Variants in SAMD9 observed in about 807,000 individuals in gnomAD.
SAMD9 encodes sterile alpha motif domain containing 9.
SAMD9 carries 3 observed loss-of-function variants against 1.5 expected under a neutral mutation model. The ratio of observed to expected loss-of-function variants is 2.05; its 90% CI spans 0.93 to 5.29. SAMD9 has a LOEUF of 5.29. Ranked by LOEUF, SAMD9 falls within the 30% of genes most tolerant of loss-of-function variation. The pLI, the probability that SAMD9 is intolerant of heterozygous loss-of-function variation, is 0.02. For missense variants in SAMD9, 1,597 were observed against 1,820.8 expected, an observed-to-expected ratio of 0.88 and a Z score of 2.24; for synonymous variants, 635 against 631.9, an observed-to-expected ratio of 1.00 and a Z score of -0.07.
Position 93,105,308 on chromosome 7 carries a change from A to C in SAMD9, c.790T>G (p.Phe264Val). The change falls in exon 3 of 3, where the codon TTC (phenylalanine) becomes GTC (valine). Residue 264 changes from phenylalanine to valine, a missense_variant. By Grantham distance (50) the Phe-to-Val change is conservative. Transcript: ENST00000379958. ...NDTKEALINH[F>V]NLMINKYFED... ...AAATACTTGTTTATCATCAGATTGA[A>C]ATGGTTAATGAGGGCTTCCTTGGTA... 3 of 1,613,944 alleles carry C rather than the reference A, an allele frequency of 1.9e-6. No individual in the cohort carries two copies. Among genetic ancestry groups the C allele is most frequent in the South Asian group, 2.2e-5 (2 of 91,080 alleles).
intron 2 of SAMD9, among the ~76,000 whole-genome samples, chr7:93,110,257 C>T (rs2188180): frequency 0.47 from 71,694 of 152,018 alleles, 20,935 homozygotes; most frequent in African/African-American, 0.82. Context: ...AAGCAAATGC[C>T]GAGAAATTTT....
At chr7:93,109,423 C>T (rs1352710731) in intron 2 of SAMD9, among the ~76,000 whole-genome samples, 1 of 152,178 alleles carries the variant, frequency 6.6e-6, no homozygotes, top group South Asian at 2.1e-4. Flanking sequence ...CAACTCCTCG[C>T]CAGCAACGGA....
chr7:93,109,784 C>G (rs1252757164), intron 2 of SAMD9, among the ~76,000 whole-genome samples: 1 of 152,108 alleles, frequency 6.6e-6, no homozygotes, highest in African/African-American at 2.4e-5. Context: ...ACAAACAAAG[C>G]CTCCAAGAAA....
chr7:93,110,776 C>A (rs536634549), intron 2 of SAMD9, among the ~76,000 whole-genome samples: 1 of 152,198 alleles, frequency 6.6e-6, no homozygotes, highest in East Asian at 1.9e-4. Context: ...TATATATGCA[C>A]CCAATACAGG....
Position 93,102,405 on chromosome 7 carries a change from A to G in SAMD9, c.3693T>C (p.Phe1231=), listed in dbSNP as rs773995547. Residue 1231 remains phenylalanine (F), a synonymous_variant, in exon 3 of 3, where the codon TTT becomes TTC. Coordinates refer to ENST00000379958, the MANE Select transcript of SAMD9 (RefSeq NM_017654.4). The part of the protein sequence containing the change: ...NELSKRYMVN[F]VSGSSDIPGD... ...CTGGAATATCACTACTTCCTGATAC[A>G]AAATTGACCATATATCTTTTAGATA... 3 of 1,611,894 alleles carry G rather than the reference A, an allele frequency of 1.9e-6. No homozygotes were observed. Among genetic ancestry groups the G allele is most frequent in the Non-Finnish European group, 2.5e-6 (3 of 1,178,278 alleles).
At chr7:93,114,103 G>A (rs1791793227) in intron 2 of SAMD9, among the ~76,000 whole-genome samples, 1 of 152,080 alleles carries the variant, frequency 6.6e-6, no homozygotes, top group African/African-American at 2.4e-5. Context: ...TATACACCAT[G>A]GAATACTATG....
chr7:93,110,872 C>A (rs1160218493), intron 2 of SAMD9, among the ~76,000 whole-genome samples: 1 of 152,138 alleles, frequency 6.6e-6, no homozygotes, highest in African/African-American at 2.4e-5. Flanking sequence ...CTTTAACACC[C>A]CACTGTCAAC....
chr7:93,112,562 G>A (rs561173138), intron 2 of SAMD9, among the ~76,000 whole-genome samples: 10 of 152,280 alleles, frequency 6.6e-5, no homozygotes, highest in South Asian at 2.1e-4. Context: ...AAACCCCATC[G>A]TCTCAGCCCA....
chr7:93,102,717 G>T lies in SAMD9; in HGVS notation c.3381C>A (p.Tyr1127Ter), dbSNP rs572380130. Residue 1127 changes from tyrosine to a stop codon, truncating the protein, a stop_gained, in exon 3 of 3, where the codon TAC (tyrosine) becomes TAA (stop). Transcript: ENST00000379958. LOFTEE classifies it low-confidence loss of function (END_TRUNC). ...SYISDTLGQV[Y>*]KSKIRWWIEE... ...CTATCCACCATCTTATTTTACTTTT[G>T]TAGACTTGACCCAGTGTATCTGAGA... is the stretch of plus-strand genomic sequence containing the variant. The T allele has an allele frequency of 2.5e-5, 41 of 1,613,742 alleles. No homozygotes were observed. The highest frequency in any genetic ancestry group is 9.9e-5 in the South Asian group (9 of 91,074).
In SAMD9 at chr7:93,102,787, T is replaced by C; in HGVS notation, c.3311A>G (p.Asn1104Ser). 6.2e-7 allele frequency: 1 copy of C among 1,613,892 alleles called. No individual in the cohort carries two copies. Among genetic ancestry groups the C allele is most frequent in the South Asian group, 1.1e-5 (1 of 91,082 alleles). ...TATGATTTTTGCTTGTTTTGCCCAG[T>C]TTAGAGCATTGCCAAAGTCCTTCTT... ...IKKKDFGNAL[N>S]WAKQAKIIEP... is the part of the protein sequence containing the mutation. Residue 1104 changes from asparagine to serine, a missense_variant, in exon 3 of 3, where the codon AAC becomes AGC. Physicochemically the swap from Asn to Ser is conservative, Grantham distance 46. Transcript: ENST00000379958.
chr7:93,100,495 G>A lies in SAMD9; in HGVS notation c.*833C>T, dbSNP rs1791508997. ...TGCCCATATCCATAATTTTATTAGG[G>A]GAAAATTACATTTTGATTACGTATC... is the stretch of plus-strand genomic sequence containing the variant. On this transcript the variant is annotated 3_prime_UTR_variant, in exon 3 of 3. Coordinates refer to ENST00000379958, the MANE Select transcript of SAMD9 (RefSeq NM_017654.4). 1.3e-5 allele frequency: 2 copies of A among 151,954 alleles called. No individual in the cohort carries two copies. The highest frequency in any genetic ancestry group is 1.5e-5 in the Non-Finnish European group (1 of 67,980). The allele number at this position is 151,954 out of a possible 1,614,324, so 9.4% of individuals were successfully genotyped here. A position where few individuals can be genotyped will look rare whatever the true frequency, so the allele number is the denominator to read the frequency against.
rs1269283852 is a variant in SAMD9 at position 93,105,227 on chromosome 7, C to G, written c.871G>C (p.Glu291Gln). The G allele has an allele frequency of 5.6e-6, 9 of 1,613,778 alleles. No homozygotes were observed. The highest frequency in any genetic ancestry group is 7.6e-6 in the Non-Finnish European group (9 of 1,179,984). The change falls in exon 3 of 3, where the codon GAA (glutamate) becomes CAA (glutamine). Residue 291 changes from glutamate (E) to glutamine (Q), a missense_variant. This residue lies in a region of SAMD9 where 498 missense variants were observed against 457.4 expected (regional missense o/e 1.09). Coordinates refer to ENST00000379958, the MANE Select transcript of SAMD9 (RefSeq NM_017654.4). ...KKCIREPRFV[E>Q]VLLPNSTLSD... ...AGAGTACTATTTGGCAGTAAAACTTCCACAAATCTTGGCTCTCGAATGCAC... is the reference window on the plus strand; with the variant it reads ...AGAGTACTATTTGGCAGTAAAACTTGCACAAATCTTGGCTCTCGAATGCAC...
chr7:93,108,463 G>C (rs888950282), intron 2 of SAMD9, among the ~76,000 whole-genome samples: 1 of 152,194 alleles, frequency 6.6e-6, no homozygotes, highest in Non-Finnish European at 1.5e-5. Context: ...GTTGGACAGT[G>C]GGTGCAGTCC....
Position 93,100,410 on chromosome 7 carries a change from T to C in SAMD9, c.*918A>G, listed in dbSNP as rs905121205. 4 of 152,204 alleles carry C rather than the reference T, an allele frequency of 2.6e-5. No individual in the cohort carries two copies. The highest frequency in any genetic ancestry group is 9.6e-5 in the African/African-American group (4 of 41,466). 9.4% of individuals were successfully genotyped at this position (152,204 alleles called of 1,614,324 possible). ...GATTTGGGACAGTTTGATAAATCCA[T>C]TAGAAATTTTTGTTTTTTAATCAGC... On this transcript the variant is annotated 3_prime_UTR_variant, in exon 3 of 3. Transcript: ENST00000379958.
Position 93,105,085 on chromosome 7 carries a change from T to G in SAMD9, c.1013A>C (p.Lys338Thr), listed in dbSNP as rs770823880. ...CCCATCTCGCACAAATAGTGAGAAT[T>G]TTTTACTTTGTTCCCATATTTTGTT... The part of the protein sequence containing the change: ...YNNKIWEQSK[K>T]FSLFVRDGTS... The change falls in exon 3 of 3, where the codon AAA (lysine) becomes ACA (threonine). Residue 338 changes from lysine to threonine, a missense_variant. Around this residue, in one of 6 missense-constraint regions of SAMD9, gnomAD observed 498 missense variants for 457.4 expected, o/e 1.09. Coordinates refer to ENST00000379958, the MANE Select transcript of SAMD9 (RefSeq NM_017654.4). The G allele has an allele frequency of 2.5e-6, 4 of 1,613,962 alleles. No homozygotes were observed. Among genetic ancestry groups the G allele is most frequent in the Non-Finnish European group, 3.4e-6 (4 of 1,179,954 alleles).
chr7:93,106,055 T>A lies in SAMD9; in HGVS notation c.43A>T (p.Thr15Ser), dbSNP rs765663084. 4 of 1,592,944 alleles carry A rather than the reference T, an allele frequency of 2.5e-6. No homozygotes were observed. In the Admixed American group the frequency reaches 7.4e-5, roughly 29 times the overall value. The change falls in exon 3 of 3, where the codon ACA (threonine) becomes TCA (serine). Residue 15 changes from threonine (T) to serine (S), a missense_variant. Transcript: ENST00000379958. ...LNLPENTDDW[T>S]KEDVNQWLES... ...AACCACTGATTTACATCCTCTTTTG[T>A]CCAATCATCTGTATTTTCTGGAAGG...
chr7:93,107,309 A>G (rs1352420684), intron 2 of SAMD9, among the ~76,000 whole-genome samples: 1 of 152,198 alleles, frequency 6.6e-6, no homozygotes, highest in Admixed American at 6.5e-5. Context: ...CTTGCTGAGT[A>G]GTGAACTTGT....
Position 93,102,461 on chromosome 7 carries a change from G to A in SAMD9, c.3637C>T (p.Leu1213Phe). The change falls in exon 3 of 3, where the codon CTC (leucine) becomes TTC (phenylalanine). Residue 1213 changes from leucine (L) to phenylalanine (F), a missense_variant. Leu to Phe is a conservative substitution (Grantham distance 22). Coordinates refer to ENST00000379958, the MANE Select transcript of SAMD9 (RefSeq NM_017654.4). ...TTTTTATTATCAAAAAAAGGAATGA[G>A]CTGGAGAATTTGGATTGTGTAAAGC... ...VGLYTIQILQ[L>F]IPFFDNKNEL... The A allele has an allele frequency of 6.2e-7, 1 of 1,613,634 alleles. No homozygotes were observed. Among genetic ancestry groups the A allele is most frequent in the Non-Finnish European group, 8.5e-7 (1 of 1,179,670 alleles).
chr7:93,110,403 C>T (rs1244387088), intron 2 of SAMD9, among the ~76,000 whole-genome samples: 2 of 152,148 alleles, frequency 1.3e-5, no homozygotes, highest in South Asian at 2.1e-4. Context: ...CATCAAATAA[C>T]GAGCAAAAGA....
Sources: gnomAD v4.1 joint callset for allele counts (sites outside exome capture counted in the v4.1 genomes callset) on GRCh38, gnomAD v4.1.1 for gene constraint, gnomAD v4.1.1 regional missense constraint, MANE v1.5 for transcripts, NCBI Gene and HGNC (gene_info 2026-07-23, HGNC 2026-07-21) for gene names.